PSMD1: variants seen among roughly 807,000 people sequenced by gnomAD.
PSMD1 encodes proteasome 26S subunit, non-ATPase 1.
A neutral mutation model predicts 119.0 loss-of-function variants in PSMD1; 18 were observed. That is an observed-to-expected ratio of 0.15 (90% CI 0.10 to 0.22). The LOEUF (loss-of-function observed/expected upper bound fraction) is 0.22, where lower values mean the gene tolerates loss of function less well. PSMD1 is among the 10% of genes least tolerant of loss of function. The pLI, the probability that PSMD1 is intolerant of heterozygous loss-of-function variation, is 1.00. For missense variants in PSMD1, 702 were observed against 1,158.5 expected, an observed-to-expected ratio of 0.61 and a Z score of 5.72; for synonymous variants, 374 against 396.6, an observed-to-expected ratio of 0.94 and a Z score of 0.68.
intron 16 of PSMD1, among the ~76,000 whole-genome samples, chr2:231,138,355 A>G (rs1454218151): frequency 6.6e-6 from 1 of 152,230 alleles, no homozygotes; most frequent in African/African-American, 2.4e-5. Flanking sequence ...GAATTACTAT[A>G]AATGACTTTT....
chr2:231,109,263 T>A, intron 16 of PSMD1: 2 of 1,614,128 alleles, frequency 1.2e-6, no homozygotes, highest in Non-Finnish European at 1.7e-6. Context: ...TAGGTGACAA[T>A]CATAATTGCA....
Position 231,136,807 on chromosome 2 carries a change from A to G in PSMD1, c.1884-1929A>G, listed in dbSNP as rs148690354. ...TTGTCCAATTCTTCCAATACTTTCAAAGTCACTTTATGTCTGCATTCTCTG... is the reference window on the plus strand; with the variant it reads ...TTGTCCAATTCTTCCAATACTTTCAGAGTCACTTTATGTCTGCATTCTCTG... On this transcript the variant is annotated intron_variant, in intron 16 of 24. Coordinates refer to ENST00000308696, the MANE Select transcript of PSMD1 (RefSeq NM_002807.4). Among the ~76,000 whole-genome samples, 189 of 151,564 alleles carry G rather than the reference A, an allele frequency of 1.2e-3. 1 individual carries two copies. Among genetic ancestry groups the G allele is most frequent in the African/African-American group, 4.3e-3 (178 of 41,326 alleles).
chr2:231,092,943 C>T (rs551739550), intron 16 of PSMD1, among the ~76,000 whole-genome samples: 1 of 152,250 alleles, frequency 6.6e-6, no homozygotes, highest in African/African-American at 2.4e-5. Context: ...ATAACTAATG[C>T]ACAGTGGGAG....
chr2:231,065,119 T>C (rs1349462269), intron 4 of PSMD1, among the ~76,000 whole-genome samples: 1 of 149,728 alleles, frequency 6.7e-6, no homozygotes, highest in Non-Finnish European at 1.5e-5. Flanking sequence ...CTAGTTAAAA[T>C]TATTTTTATT....
chr2:231,087,967 A>G (rs907128935), intron 16 of PSMD1, among the ~76,000 whole-genome samples: 22 of 151,950 alleles, frequency 1.4e-4, no homozygotes. Flanking sequence ...CCTCTCAAAA[A>G]AAAAAAAAGA....
At chr2:231,107,771 G>T (rs1458987063) in intron 16 of PSMD1, among the ~76,000 whole-genome samples, 2 of 152,186 alleles carry the variant, frequency 1.3e-5, no homozygotes, top group Non-Finnish European at 2.9e-5. Flanking sequence ...AAGATCCCAT[G>T]CTTGTGCACG....
At chr2:231,087,216 T>C in intron 16 of PSMD1, 35 bp downstream of exon 16, 1 of 1,582,248 alleles carries the variant, frequency 6.3e-7, no homozygotes, top group Non-Finnish European at 8.7e-7. Flanking sequence ...TATTTATATT[T>C]CATTTTTTTT....
chr2:231,117,636 A>G (rs940016230), intron 16 of PSMD1, among the ~76,000 whole-genome samples: 1 of 152,136 alleles, frequency 6.6e-6, no homozygotes, highest in African/African-American at 2.4e-5. Context: ...TCTGCCATGC[A>G]TGAGGGATGG....
intron 16 of PSMD1, among the ~76,000 whole-genome samples, chr2:231,088,629 C>A (rs1417733170): frequency 6.6e-6 from 1 of 152,170 alleles, no homozygotes; most frequent in Non-Finnish European, 1.5e-5. Context: ...ACAGCAAACT[C>A]AATCAATAAA....
intron 22 of PSMD1, 51 bp from the exon 23 acceptor site, chr2:231,165,820 G>A (rs1276413138): frequency 1.4e-6 from 2 of 1,444,728 alleles, no homozygotes; most frequent in Non-Finnish European, 1.9e-6. Context: ...ACTCAGTTCT[G>A]TGGAACAGAA....
intron 16 of PSMD1, among the ~76,000 whole-genome samples, chr2:231,127,621 T>C (rs775065509): frequency 6.6e-6 from 1 of 152,242 alleles, no homozygotes; most frequent in Non-Finnish European, 1.5e-5. Context: ...CCCAAAGTGC[T>C]GGGATTACGG....
intron 16 of PSMD1, among the ~76,000 whole-genome samples, chr2:231,118,583 T>C (rs954784911): frequency 1.3e-5 from 2 of 152,158 alleles, no homozygotes; most frequent in Non-Finnish European, 2.9e-5. Flanking sequence ...GTTTGGGTAT[T>C]TTTTTGTTTG....
chr2:231,143,258 C>T (rs1696171738), intron 17 of PSMD1, among the ~76,000 whole-genome samples: 1 of 151,106 alleles, frequency 6.6e-6, no homozygotes, highest in Non-Finnish European at 1.5e-5. Context: ...AAGACAGAGT[C>T]TTGCTCTGTT....
At chr2:231,108,515 T>C in intron 16 of PSMD1, 1 of 1,611,048 alleles carries the variant, frequency 6.2e-7, no homozygotes, top group Non-Finnish European at 8.5e-7. Flanking sequence ...CTGCCAGTTC[T>C]GCTATACATA....
At chr2:231,122,525 C>A (rs532659182) in intron 16 of PSMD1, among the ~76,000 whole-genome samples, 1 of 152,082 alleles carries the variant, frequency 6.6e-6, no homozygotes, top group Non-Finnish European at 1.5e-5. Context: ...TCAGTTTATA[C>A]CAAGCATTGA....
chr2:231,062,002 C>A (rs953663588), intron 2 of PSMD1, among the ~76,000 whole-genome samples: 1 of 152,188 alleles, frequency 6.6e-6, no homozygotes, highest in African/African-American at 2.4e-5. Flanking sequence ...GATTCCTTTA[C>A]ATCTAAACCA....
chr2:231,060,058 G>A (rs1331768734), intron 1 of PSMD1, among the ~76,000 whole-genome samples: 1 of 152,198 alleles, frequency 6.6e-6, no homozygotes, highest in East Asian at 1.9e-4. Context: ...AGTATTAAGT[G>A]TTCTGTTATT....
chr2:231,077,634 T>C (rs1371959936), intron 9 of PSMD1, among the ~76,000 whole-genome samples: 2 of 152,212 alleles, frequency 1.3e-5, no homozygotes, highest in Non-Finnish European at 2.9e-5. Flanking sequence ...CTTACCTTGT[T>C]GCAGTGTTTG....
intron 16 of PSMD1, among the ~76,000 whole-genome samples, chr2:231,099,410 G>C (rs1574727461): frequency 6.6e-6 from 1 of 152,150 alleles, no homozygotes. Flanking sequence ...GAAGATTGAG[G>C]GTTTGAAGGT....
Sources: allele counts gnomAD v4.1 joint callset (sites outside exome capture counted in the v4.1 genomes callset), GRCh38; gene constraint gnomAD v4.1.1; transcripts MANE v1.5; gene names NCBI Gene and HGNC (gene_info 2026-07-23, HGNC 2026-07-21).